The following DOCK8 variants were observed in gnomAD, a reference collection of about 807,000 sequenced individuals.
DOCK8 encodes dedicator of cytokinesis 8.
In DOCK8, 141 loss-of-function variants were observed where a neutral mutation model predicts 245.6. The observed-to-expected ratio is 0.57, with a 90% CI of 0.50 to 0.66. The LOEUF is 0.66. Among genes scored for constraint, DOCK8 ranks in the 30% least tolerant of loss-of-function variants. DOCK8 has a pLI of 0.00. For synonymous variants in DOCK8, 1,168 were observed against 970.2 expected, an observed-to-expected ratio of 1.20 and a Z score of -3.79; for missense variants, 2,965 against 2,603.4, an observed-to-expected ratio of 1.14 and a Z score of -3.02.
intron 33 of DOCK8, 37 bp from the exon 34 acceptor site, chr9:426,848 G>A: frequency 6.3e-7 from 1 of 1,579,288 alleles, no homozygotes; most frequent in South Asian, 1.1e-5. Flanking sequence ...GGCCAGGTTT[G>A]ACATGCGCTT....
At chr9:374,523 G>A (rs993244072) in intron 18 of DOCK8, among the ~76,000 whole-genome samples, 19 of 139,312 alleles carry the variant, frequency 1.4e-4, no homozygotes, top group African/African-American at 4.8e-4. Context: ...GTGCAGTGGC[G>A]TGATCACAGC....
intron 6 of DOCK8, among the ~76,000 whole-genome samples, chr9:313,693 G>A (rs2050223586): frequency 6.6e-6 from 1 of 152,180 alleles, no homozygotes; most frequent in Non-Finnish European, 1.5e-5. Flanking sequence ...ACTGCACAGT[G>A]ACCAGAGTTA....
chr9:389,952 G>C (rs941843055), intron 23 of DOCK8, among the ~76,000 whole-genome samples: 13 of 152,086 alleles, frequency 8.5e-5, no homozygotes, highest in African/African-American at 2.9e-4. Context: ...GCTTGAGCCA[G>C]GGAAGTTGCA....
chr9:235,383 C>T (rs2047220911), intron 1 of DOCK8, among the ~76,000 whole-genome samples: 1 of 152,196 alleles, frequency 6.6e-6, no homozygotes, highest in South Asian at 2.1e-4. Flanking sequence ...GTTCTCAGAT[C>T]TGAAGCTGTG....
intron 4 of DOCK8, among the ~76,000 whole-genome samples, chr9:295,490 G>A (rs897548843): frequency 6.6e-6 from 1 of 152,102 alleles, no homozygotes; most frequent in Non-Finnish European, 1.5e-5. Flanking sequence ...TTATTAAGTA[G>A]TACCTATCAG....
chr9:328,661 G>A (rs1015582790), intron 9 of DOCK8, among the ~76,000 whole-genome samples: 2 of 151,966 alleles, frequency 1.3e-5, no homozygotes, highest in Admixed American at 6.5e-5. Context: ...GCATAGTTAC[G>A]TGTTCCCAAG....
chr9:420,669 A>G (rs1407382590), intron 31 of DOCK8, 86 bp downstream of exon 31: 18 of 1,529,950 alleles, frequency 1.2e-5, no homozygotes, highest in Non-Finnish European at 1.6e-5. Context: ...TGTTTGGGCC[A>G]TGGAGGCATC....
In DOCK8 at chr9:311,983, C is replaced by G; in HGVS notation, c.558C>G (p.Cys186Trp). 6.2e-7 allele frequency: 1 copy of G among 1,614,076 alleles called. No homozygotes were observed. The highest frequency in any genetic ancestry group is 8.5e-7 in the Non-Finnish European group (1 of 1,180,046). The part of the protein sequence containing the change: ...QAGPRHLNVL[C>W]DVSGKGPVTA... ...GCCCCCGCCACTTAAACGTGCTGTG[C>G]GACGTGTCTGGGAAAGGCCCCGTCA... The change falls in exon 6 of 48, where the codon TGC (cysteine) becomes TGG (tryptophan). Residue 186 changes from cysteine (C) to tryptophan (W), a missense_variant. By Grantham distance (215) the Cys-to-Trp change is radical. Coordinates refer to ENST00000432829, the MANE Select transcript of DOCK8 (RefSeq NM_203447.4).
In DOCK8 at chr9:382,610, G is replaced by A. The variant is rs765627689; in HGVS notation, c.2703G>A (p.Met901Ile). The change falls in exon 22 of 48, where the codon ATG becomes ATA. Residue 901 changes from methionine (M) to isoleucine (I), a missense_variant. Physicochemically the swap from Met to Ile is conservative, Grantham distance 10. This residue lies in a region of DOCK8 where 2,825 missense variants were observed against 2,453.5 expected (regional missense o/e 1.15). Coordinates refer to ENST00000432829, the MANE Select transcript of DOCK8 (RefSeq NM_203447.4). ...VSSKLLQARVMSSSNPDLAGT... is the reference protein window; with the variant it reads ...VSSKLLQARVISSSNPDLAGT... ...CAAAGCTGCTGCAGGCCCGGGTGAT[G>A]AGCAGCAGTAACCCAGACCTCGCGG... 14 of 1,614,178 alleles carry A rather than the reference G, an allele frequency of 8.7e-6. No individual in the cohort carries two copies. The highest frequency in any genetic ancestry group is 2.7e-5 in the African/African-American group (2 of 75,048).
Position 446,386 on chromosome 9 carries a change from CTT to C in DOCK8, c.5600_5601del (p.Phe1867CysfsTer6), listed in dbSNP as rs1392177157. On this transcript the variant is annotated frameshift_variant, in exon 44 of 48. Transcript: ENST00000432829. LOFTEE classifies it high-confidence loss of function. ...CCCCCTTAGGCCTACATACAGATCACTTTTGTGGAGCCCTACTTTGATGAGTA... is the reference window on the plus strand; with the variant it reads ...CCCCCTTAGGCCTACATACAGATCACTTGTGGAGCCCTACTTTGATGAGTA... 6.2e-7 allele frequency: 1 copy of C among 1,614,086 alleles called. No individual in the cohort carries two copies. Among genetic ancestry groups the C allele is most frequent in the African/African-American group, 1.3e-5 (1 of 74,942 alleles).
chr9:360,091 G>A (rs1266493127), intron 14 of DOCK8, among the ~76,000 whole-genome samples: 5 of 151,890 alleles, frequency 3.3e-5, no homozygotes, highest in African/African-American at 9.7e-5. Context: ...CGAGGCGGGC[G>A]GATCACTTGA....
intron 14 of DOCK8, among the ~76,000 whole-genome samples, chr9:342,413 T>G (rs1009197906): frequency 6.6e-6 from 1 of 151,942 alleles, no homozygotes; most frequent in African/African-American, 2.4e-5. Flanking sequence ...CTTGCATTTT[T>G]GGAAATATCA....
chr9:464,171 C>G lies in DOCK8; in HGVS notation c.6252C>G (p.His2084Gln). ...TTCTTAATTTCAGGGACTCCTTCCA[C>G]AGATCTAGTTTCAGGAAATGTGAAA... Reference protein sequence around the residue: ...RVESQKRDSFHRSSFRKCETQ... With the variant: ...RVESQKRDSFQRSSFRKCETQ... Residue 2084 changes from histidine to glutamine, a missense_variant, in exon 48 of 48, where the codon CAC (histidine) becomes CAG (glutamine). By Grantham distance (24) the His-to-Gln change is conservative. Coordinates refer to ENST00000432829, the MANE Select transcript of DOCK8 (RefSeq NM_203447.4). The G allele has an allele frequency of 1.2e-6, 2 of 1,613,774 alleles. No individual in the cohort carries two copies. Among genetic ancestry groups the G allele is most frequent in the Non-Finnish European group, 1.7e-6 (2 of 1,179,648 alleles).
chr9:373,263 G>C (rs1563978698), intron 18 of DOCK8, among the ~76,000 whole-genome samples: 1 of 152,148 alleles, frequency 6.6e-6, no homozygotes. Context: ...TCAGTTCCTT[G>C]CATAGGTTTA....
chr9:270,628 A>G (rs993063033), intron 1 of DOCK8, among the ~76,000 whole-genome samples: 1 of 152,256 alleles, frequency 6.6e-6, no homozygotes, highest in Non-Finnish European at 1.5e-5. Flanking sequence ...CAGAGAAAAC[A>G]TAATACGCTT....
chr9:326,068 A>C (rs898069332), intron 8 of DOCK8, among the ~76,000 whole-genome samples: 13 of 152,226 alleles, frequency 8.5e-5, no homozygotes, highest in Non-Finnish European at 2.9e-5. Flanking sequence ...AAGCTTCCTC[A>C]GTTTGAGAGT....
At chr9:398,748 A>G (rs150876350) in intron 25 of DOCK8, among the ~76,000 whole-genome samples, 1 of 152,268 alleles carries the variant, frequency 6.6e-6, no homozygotes, top group African/African-American at 2.4e-5. Flanking sequence ...AAAAATTAAG[A>G]AACTGTCTCA....
At position 283,598 on chromosome 9, in the gene DOCK8, T is replaced by C. The variant is rs901287134; in HGVS notation, c.157-2863T>C. On this transcript the variant is annotated intron_variant, in intron 2 of 47. Transcript: ENST00000432829. Reference sequence around the variant, plus strand: ...TTTCATGTCTAGCATTCTGTGTCCATGTGTACACATTATTTAGCTCCCACT... The same window carrying C: ...TTTCATGTCTAGCATTCTGTGTCCACGTGTACACATTATTTAGCTCCCACT... 3.3e-5 allele frequency among the ~76,000 whole-genome samples: 5 copies of C among 152,312 alleles called. No individual in the cohort carries two copies. The South Asian group carries it at 1.0e-3, about 32-fold the overall frequency.
At chr9:444,564 T>C (rs1483309929) in intron 43 of DOCK8, among the ~76,000 whole-genome samples, 1 of 152,098 alleles carries the variant, frequency 6.6e-6, no homozygotes, top group Non-Finnish European at 1.5e-5. Context: ...AGAGATTTTG[T>C]TGGGGTTTCA....
Sources: allele counts gnomAD v4.1 joint callset (sites outside exome capture counted in the v4.1 genomes callset), GRCh38; gene constraint gnomAD v4.1.1; regional missense constraint gnomAD v4.1.1; transcripts MANE v1.5; gene names NCBI Gene and HGNC (gene_info 2026-07-23, HGNC 2026-07-21).